DYM: variants seen among roughly 807,000 people sequenced by gnomAD.
DYM encodes dymeclin.
In DYM, 78 loss-of-function variants were observed where a neutral mutation model predicts 93.1. That is an observed-to-expected ratio of 0.84 (90% CI 0.70 to 1.01). The LOEUF is 1.01. Ranked by LOEUF, DYM falls within the 50% of genes least tolerant of loss-of-function variation. The probability of loss-of-function intolerance (pLI) is 0.00; values close to 1 mark genes in which losing one functional copy is unlikely to be tolerated. For missense variants in DYM, 789 were observed against 845.0 expected (o/e 0.93, Z 0.82); for synonymous variants, 321 against 319.7 (o/e 1.00, Z -0.04).
In DYM at chr18:49,458,646, GA is replaced by G. The variant is rs1568482189; in HGVS notation, c.-54+1751del. Among the ~76,000 whole-genome samples the G allele has an allele frequency of 5.3e-5, 8 of 152,190 alleles. No homozygotes were observed. In the South Asian group the frequency reaches 1.5e-3, roughly 28 times the overall value. ...GAACTCAGGAGTTCGTGACCAGCCT[GA>G]GCAACATGATGAGACCCCCGTCTCT... is the stretch of plus-strand genomic sequence containing the variant. On this transcript the variant is annotated intron_variant, in intron 1 of 17. Coordinates refer to ENST00000675505, the MANE Select transcript of DYM (RefSeq NM_001353214.3).
intron 2 of DYM, among the ~76,000 whole-genome samples, chr18:49,403,726 C>A (rs527267174): frequency 9.9e-5 from 15 of 151,938 alleles, no homozygotes; most frequent in Non-Finnish European, 1.8e-4. Context: ...AGTTTTTTAA[C>A]CCTTGTCCCC....
intron 13 of DYM, among the ~76,000 whole-genome samples, chr18:49,217,954 A>G (rs934249631): frequency 6.6e-6 from 1 of 152,194 alleles, no homozygotes; most frequent in Admixed American, 6.5e-5. Context: ...AAAGACACAG[A>G]CTGGCAAATT....
At chr18:49,091,902 T>G (rs1465548584) in intron 17 of DYM, among the ~76,000 whole-genome samples, 1 of 152,074 alleles carries the variant, frequency 6.6e-6, no homozygotes, top group Non-Finnish European at 1.5e-5. Flanking sequence ...TGTGAGCCAC[T>G]GCGCCCAGCC....
At chr18:49,088,992 C>T (rs1052644312) in intron 17 of DYM, among the ~76,000 whole-genome samples, 1 of 152,046 alleles carries the variant, frequency 6.6e-6, no homozygotes, top group Non-Finnish European at 1.5e-5. Flanking sequence ...GAGATGAGGT[C>T]TTGTTATGTT....
chr18:49,433,506 T>G (rs1023909616), intron 1 of DYM, among the ~76,000 whole-genome samples: 37 of 152,162 alleles, frequency 2.4e-4, no homozygotes, highest in African/African-American at 8.2e-4. Context: ...TAAACCTTCA[T>G]CTTCCATAAT....
At chr18:49,096,796 A>G (rs77427836) in intron 17 of DYM, among the ~76,000 whole-genome samples, 9,335 of 152,222 alleles carry the variant, frequency 0.061, 529 homozygotes, top group East Asian at 0.26. Flanking sequence ...TCTTTCCACT[A>G]TTACATCCCA....
At chr18:49,336,781 T>C (rs1357135817) in intron 6 of DYM, among the ~76,000 whole-genome samples, 1 of 151,792 alleles carries the variant, frequency 6.6e-6, no homozygotes, top group African/African-American at 2.4e-5. Context: ...CAAATAATAA[T>C]CACTCCAAAA....
intron 15 of DYM, among the ~76,000 whole-genome samples, chr18:49,119,501 G>C (rs1327772102): frequency 6.6e-6 from 1 of 152,140 alleles, no homozygotes; most frequent in African/African-American, 2.4e-5. Flanking sequence ...TGGAAGAAAA[G>C]GGCAATGGAA....
intron 13 of DYM, among the ~76,000 whole-genome samples, chr18:49,244,713 G>GA (rs564219884): frequency 3.4e-4 from 51 of 152,052 alleles, no homozygotes; most frequent in African/African-American, 1.2e-3. Flanking sequence ...AGAAGAAGAA[G>GA]AAAAAAACCC....
At chr18:49,365,865 T>C (rs1222858780) in intron 5 of DYM, among the ~76,000 whole-genome samples, 1 of 152,220 alleles carries the variant, frequency 6.6e-6, no homozygotes, top group African/African-American at 2.4e-5. Context: ...AAGGATTCTC[T>C]ATTCAATTCC....
In DYM at chr18:49,365,709, T is replaced by A. The variant is rs531887878; in HGVS notation, c.422-2476A>T. ...CAGACCAAATGCCAGTTTAATAACA[T>A]CCCTGTTCAGCCAAGCAGCCAGCAC... On this transcript the variant is annotated intron_variant, in intron 5 of 17. Coordinates refer to ENST00000675505, the MANE Select transcript of DYM (RefSeq NM_001353214.3). 3.3e-5 allele frequency among the ~76,000 whole-genome samples: 5 copies of A among 152,258 alleles called. No individual in the cohort carries two copies. In the South Asian group the frequency reaches 8.3e-4, roughly 25 times the overall value.
intron 2 of DYM, among the ~76,000 whole-genome samples, chr18:49,408,635 T>C (rs6507906): frequency 0.71 from 107,792 of 152,076 alleles, 38,344 homozygotes; most frequent in Admixed American, 0.75. Flanking sequence ...TATGTGATGA[T>C]AGTAAGCAAG....
intron 6 of DYM, among the ~76,000 whole-genome samples, chr18:49,358,765 G>A (rs914432933): frequency 6.6e-6 from 1 of 152,130 alleles, no homozygotes; most frequent in African/African-American, 2.4e-5. Flanking sequence ...TGGCACTAGT[G>A]AGAAGGAGTG....
chr18:49,224,649 A>C lies in DYM; in HGVS notation c.1461-14934T>G, dbSNP rs140881212. 3.2e-3 allele frequency among the ~76,000 whole-genome samples: 493 copies of C among 152,156 alleles called. 3 individuals carry two copies. Among genetic ancestry groups the C allele is most frequent in the African/African-American group, 0.011 (452 of 41,514 alleles). ...CTTCCACTCTCCACCATGGGAAGACAAGAGAAAAAACTGCCCTCTTTGGGT... is the reference window on the plus strand; with the variant it reads ...CTTCCACTCTCCACCATGGGAAGACCAGAGAAAAAACTGCCCTCTTTGGGT... On this transcript the variant is annotated intron_variant, in intron 13 of 17. Transcript: ENST00000675505.
At chr18:49,204,951 C>T (rs1309335886) in intron 14 of DYM, among the ~76,000 whole-genome samples, 1 of 152,102 alleles carries the variant, frequency 6.6e-6, no homozygotes, top group African/African-American at 2.4e-5. Context: ...CAATACATTA[C>T]ATATATTTAT....
chr18:49,313,707 T>C (rs2061753198), intron 8 of DYM, among the ~76,000 whole-genome samples: 1 of 152,100 alleles, frequency 6.6e-6, no homozygotes, highest in Non-Finnish European at 1.5e-5. Flanking sequence ...CACTTTACTG[T>C]ATGGATTCAC....
chr18:49,385,636 A>C (rs1194684483), intron 3 of DYM, among the ~76,000 whole-genome samples: 1 of 152,146 alleles, frequency 6.6e-6, no homozygotes, highest in Admixed American at 6.5e-5. Flanking sequence ...TGGAGGTTGC[A>C]GTGAGTGGAG....
At position 49,379,762 on chromosome 18, in the gene DYM, CAAGAG is replaced by C; in HGVS notation, c.194-9_194-5del. On this transcript the variant is annotated splice_region_variant and splice_polypyrimidine_tract_variant and intron_variant, in intron 3 of 17. Coordinates refer to ENST00000675505, the MANE Select transcript of DYM (RefSeq NM_001353214.3). ...CCTGTTCGAGGATTGTTTTCAACTG[CAAGAG>C]AAGAAAAGGTTTTAAAAAGTTAAAT... 5 of 1,607,920 alleles carry C rather than the reference CAAGAG, an allele frequency of 3.1e-6. No individual in the cohort carries two copies. Among genetic ancestry groups the C allele is most frequent in the Non-Finnish European group, 4.3e-6 (5 of 1,174,812 alleles).
At chr18:49,241,232 C>A (rs1568084117) in intron 13 of DYM, among the ~76,000 whole-genome samples, 1 of 152,216 alleles carries the variant, frequency 6.6e-6, no homozygotes, top group Non-Finnish European at 1.5e-5. Context: ...AACTGAGAAT[C>A]TGAGTGCAGG....
Sources: gnomAD v4.1 joint callset for allele counts (sites outside exome capture counted in the v4.1 genomes callset) on GRCh38, gnomAD v4.1.1 for gene constraint, MANE v1.5 for transcripts, NCBI Gene and HGNC (gene_info 2026-07-23, HGNC 2026-07-21) for gene names.